The following WDFY2 variants were observed in gnomAD, a reference collection of about 807,000 sequenced individuals.
The protein encoded by WDFY2 is WD repeat and FYVE domain containing 2.
Under a neutral mutation model 56.4 loss-of-function variants are expected in WDFY2, and 36 were observed. The ratio of observed to expected loss-of-function variants is 0.64; its 90% CI spans 0.49 to 0.84. WDFY2 has a LOEUF of 0.84. Ranked by LOEUF, WDFY2 falls within the 40% of genes least tolerant of loss-of-function variation. The probability of loss-of-function intolerance (pLI) is 0.00; values close to 1 mark genes in which losing one functional copy is unlikely to be tolerated. For missense variants in WDFY2, 444 were observed against 512.2 expected, an observed-to-expected ratio of 0.87 and a Z score of 1.29; for synonymous variants, 176 against 183.7, an observed-to-expected ratio of 0.96 and a Z score of 0.34.
intron 1 of WDFY2, among the ~76,000 whole-genome samples, chr13:51,637,925 C>T (rs1304208672): frequency 2.0e-5 from 3 of 152,204 alleles, no homozygotes; most frequent in African/African-American, 7.2e-5. Context: ...GTTTAGTAAA[C>T]ATTACCAGTT....
At chr13:51,671,776 CTTTTTT>C (rs564584742) in intron 2 of WDFY2, among the ~76,000 whole-genome samples, 2 of 61,998 alleles carry the variant, frequency 3.2e-5, no homozygotes, top group African/African-American at 7.2e-5. Context: ...GTTGCATTTG[CTTTTTT>C]TTTTTTTTTT....
chr13:51,646,149 T>C (rs1460432016), intron 1 of WDFY2, among the ~76,000 whole-genome samples: 2 of 152,204 alleles, frequency 1.3e-5, no homozygotes, highest in Non-Finnish European at 2.9e-5. Flanking sequence ...CCCCGCCTTT[T>C]CCAGGCTGCC....
At chr13:51,758,609 A>G (rs17532936) in intron 11 of WDFY2, among the ~76,000 whole-genome samples, 18,987 of 151,896 alleles carry the variant, frequency 0.12, 1,477 homozygotes, top group South Asian at 0.22. Context: ...AGAACCTATT[A>G]CAAACCTGAT....
intron 1 of WDFY2, among the ~76,000 whole-genome samples, chr13:51,635,627 C>T (rs984421722): frequency 2.6e-5 from 4 of 152,216 alleles, no homozygotes; most frequent in African/African-American, 7.2e-5. Context: ...TCGAGTCAAA[C>T]TCCCGGGAGG....
intron 1 of WDFY2, among the ~76,000 whole-genome samples, chr13:51,623,312 G>A (rs1954776473): frequency 6.6e-6 from 1 of 152,134 alleles, no homozygotes; most frequent in Non-Finnish European, 1.5e-5. Context: ...AGATGAATGG[G>A]CAAGCTAAGT....
At chr13:51,646,544 G>A (rs756959615) in intron 1 of WDFY2, among the ~76,000 whole-genome samples, 1 of 152,168 alleles carries the variant, frequency 6.6e-6, no homozygotes, top group Non-Finnish European at 1.5e-5. Context: ...TGACAACAGA[G>A]GTGGCACTTG....
intron 2 of WDFY2, among the ~76,000 whole-genome samples, chr13:51,664,486 C>T (rs924415085): frequency 2.6e-5 from 4 of 152,096 alleles, no homozygotes; most frequent in Non-Finnish European, 5.9e-5. Context: ...GTAGGGTGAA[C>T]CAGGGAAGGA....
intron 1 of WDFY2, 110 bp from the exon 2 acceptor site, chr13:51,660,486 C>A: frequency 1.0e-6 from 1 of 978,246 alleles, no homozygotes; most frequent in Non-Finnish European, 1.5e-6. Context: ...CTTGAGCCAC[C>A]GCGCCTGGCC....
Position 51,759,813 on chromosome 13 carries a change from G to A in WDFY2, c.*44G>A, listed in dbSNP as rs760912189. The A allele has an allele frequency of 2.9e-5, 47 of 1,603,688 alleles. No individual in the cohort carries two copies. In the African/African-American group the frequency reaches 2.9e-4, roughly 10 times the overall value. ...GAAAGATAGTATTTACTAAAGAAACGGTTGTTTTAACCCAAATCATTACCA... is the reference window on the plus strand; with the variant it reads ...GAAAGATAGTATTTACTAAAGAAACAGTTGTTTTAACCCAAATCATTACCA... On this transcript the variant is annotated 3_prime_UTR_variant, in exon 12 of 12. Coordinates refer to ENST00000298125, the MANE Select transcript of WDFY2 (RefSeq NM_052950.4).
At chr13:51,589,862 A>G (rs1010649234) in intron 1 of WDFY2, 1 of 152,182 alleles carries the variant, frequency 6.6e-6, no homozygotes, top group African/African-American at 2.4e-5. Flanking sequence ...CAAAGAGGGA[A>G]CTTGTCCTGT....
intron 1 of WDFY2, among the ~76,000 whole-genome samples, chr13:51,629,245 C>T (rs1351346770): frequency 6.6e-6 from 1 of 152,204 alleles, no homozygotes; most frequent in Non-Finnish European, 1.5e-5. Flanking sequence ...CTGCTTTGGT[C>T]TCTAAACGTT....
At chr13:51,629,676 A>G (rs1191135486) in intron 1 of WDFY2, among the ~76,000 whole-genome samples, 2 of 152,200 alleles carry the variant, frequency 1.3e-5, no homozygotes. Context: ...TAAAAACCTC[A>G]TAAACAAATC....
intron 1 of WDFY2, among the ~76,000 whole-genome samples, chr13:51,658,575 G>A (rs991690353): frequency 2.0e-5 from 3 of 152,174 alleles, no homozygotes; most frequent in Non-Finnish European, 4.4e-5. Flanking sequence ...TGATTTTGGA[G>A]TGTCTTAGTC....
At chr13:51,749,312 G>A (rs1953174499) in intron 7 of WDFY2, among the ~76,000 whole-genome samples, 1 of 151,958 alleles carries the variant, frequency 6.6e-6, no homozygotes, top group South Asian at 2.1e-4. Context: ...GAGTATAAAG[G>A]GATTGTGAGA....
In WDFY2 at chr13:51,697,087, A is replaced by T. The variant is rs1022732672; in HGVS notation, c.280-6509A>T. Among the ~76,000 whole-genome samples the T allele has an allele frequency of 4.6e-5, 7 of 152,344 alleles. No individual in the cohort carries two copies. In the East Asian group the frequency reaches 9.6e-4, roughly 21 times the overall value. On this transcript the variant is annotated intron_variant, in intron 3 of 11. Coordinates refer to ENST00000298125, the MANE Select transcript of WDFY2 (RefSeq NM_052950.4). The stretch of plus-strand genomic sequence containing the variant: ...TTAATTCTATTTTTATCTAAGTTGT[A>T]GTAATTTTAGAATATACTTATCAGC...
At chr13:51,748,227 A>G (rs915801695) in intron 7 of WDFY2, among the ~76,000 whole-genome samples, 17 of 152,174 alleles carry the variant, frequency 1.1e-4, no homozygotes, top group Admixed American at 1.3e-4. Context: ...AAGTTAGCCA[A>G]CCGTGTTCGG....
chr13:51,739,239 A>G lies in WDFY2; in HGVS notation c.725+64A>G. Reference sequence around the variant, plus strand: ...GATTCTCAGCTGACAGCTAGAACAAAGGAGTGCAGCCCAGTCTGTGGCAGG... The same window carrying G: ...GATTCTCAGCTGACAGCTAGAACAAGGGAGTGCAGCCCAGTCTGTGGCAGG... On this transcript the variant is annotated intron_variant, in intron 7 of 11. Transcript: ENST00000298125. 4 of 1,505,090 alleles carry G rather than the reference A, an allele frequency of 2.7e-6. No individual in the cohort carries two copies. In the South Asian group the frequency reaches 4.2e-5, roughly 16 times the overall value. 93.2% of individuals were successfully genotyped at this position (1,505,090 alleles called of 1,614,324 possible).
At chr13:51,666,528 G>A (rs1955703775) in intron 2 of WDFY2, among the ~76,000 whole-genome samples, 1 of 152,146 alleles carries the variant, frequency 6.6e-6, no homozygotes, top group Non-Finnish European at 1.5e-5. Context: ...GAGGATGGAG[G>A]GAGGGCTAGT....
At chr13:51,753,619 A>T (rs1470210536) in intron 8 of WDFY2, among the ~76,000 whole-genome samples, 1 of 152,130 alleles carries the variant, frequency 6.6e-6, no homozygotes, top group Non-Finnish European at 1.5e-5. Flanking sequence ...TTTGAACAAA[A>T]AATAGAATCA....
Sources: allele counts gnomAD v4.1 joint callset (sites outside exome capture counted in the v4.1 genomes callset), GRCh38; gene constraint gnomAD v4.1.1; transcripts MANE v1.5; gene names NCBI Gene and HGNC (gene_info 2026-07-23, HGNC 2026-07-21).